The following DCC variants were observed in gnomAD, a reference collection of about 807,000 sequenced individuals.
DCC encodes the protein netrin receptor DCC.
Under a neutral mutation model 172.5 loss-of-function variants are expected in DCC, and 58 were observed. The ratio of observed to expected loss-of-function variants is 0.34; its 90% CI spans 0.27 to 0.42. The LOEUF (loss-of-function observed/expected upper bound fraction) is 0.42. Ranked by LOEUF, DCC falls within the 10% of genes least tolerant of loss-of-function variation. The pLI is 1.00. For synonymous variants in DCC, 709 were observed against 644.5 expected, an observed-to-expected ratio of 1.10 and a Z score of -1.52; for missense variants, 1,740 against 1,791.0, an observed-to-expected ratio of 0.97 and a Z score of 0.51.
chr18:52,664,723 G>A (rs564563177), intron 1 of DCC, among the ~76,000 whole-genome samples: 7 of 151,960 alleles, frequency 4.6e-5, no homozygotes, highest in East Asian at 1.9e-4. Context: ...CGCCCGCCTC[G>A]GCCTCCCAAA....
chr18:53,225,449 G>A (rs2056012092), intron 12 of DCC, among the ~76,000 whole-genome samples: 1 of 152,204 alleles, frequency 6.6e-6, no homozygotes, highest in African/African-American at 2.4e-5. Flanking sequence ...GCAATCCTTT[G>A]AGGAGGCAAG....
At chr18:52,762,319 A>G (rs1002359441) in intron 2 of DCC, among the ~76,000 whole-genome samples, 1 of 151,978 alleles carries the variant, frequency 6.6e-6, no homozygotes, top group Non-Finnish European at 1.5e-5. Flanking sequence ...ACAAAAAAAT[A>G]AAAAATTACC....
At chr18:52,736,297 A>C (rs2036728170) in intron 1 of DCC, among the ~76,000 whole-genome samples, 1 of 149,550 alleles carries the variant, frequency 6.7e-6, no homozygotes, top group African/African-American at 2.5e-5. Flanking sequence ...AAAAAAAAAC[A>C]GAAAAATCAC....
At chr18:53,239,880 G>T (rs1441038854) in intron 12 of DCC, among the ~76,000 whole-genome samples, 1 of 151,970 alleles carries the variant, frequency 6.6e-6, no homozygotes, top group Non-Finnish European at 1.5e-5. Context: ...ATGTAAAAGT[G>T]CTACATAAGT....
At chr18:53,419,246 G>A (rs902936666) in intron 21 of DCC, among the ~76,000 whole-genome samples, 3 of 152,120 alleles carry the variant, frequency 2.0e-5, no homozygotes, top group Non-Finnish European at 4.4e-5. Context: ...GCACATCATG[G>A]AGAATGGGGT....
chr18:52,608,446 C>G (rs183687861), intron 1 of DCC, among the ~76,000 whole-genome samples: 1 of 152,128 alleles, frequency 6.6e-6, no homozygotes, highest in Non-Finnish European at 1.5e-5. Flanking sequence ...CTGGAGAAGA[C>G]GCTCTCTGAA....
intron 5 of DCC, among the ~76,000 whole-genome samples, chr18:53,030,997 G>T (rs147244826): frequency 6.6e-6 from 1 of 152,128 alleles, no homozygotes; most frequent in Non-Finnish European, 1.5e-5. Flanking sequence ...GGTGGCTCAC[G>T]CCTATAATCC....
chr18:53,522,182 G>A (rs2046405926), intron 27 of DCC, among the ~76,000 whole-genome samples: 1 of 151,960 alleles, frequency 6.6e-6, no homozygotes, highest in South Asian at 2.1e-4. Flanking sequence ...TTCACATGCT[G>A]GGTTATCTGT....
chr18:52,739,319 G>T (rs956712004), intron 1 of DCC, among the ~76,000 whole-genome samples: 2 of 151,994 alleles, frequency 1.3e-5, no homozygotes, highest in South Asian at 2.1e-4. Flanking sequence ...ACTGATTGAA[G>T]AAATTTTTCC....
chr18:53,067,538 CA>C (rs2042591132), intron 7 of DCC, among the ~76,000 whole-genome samples: 1 of 151,918 alleles, frequency 6.6e-6, no homozygotes, highest in Non-Finnish European at 1.5e-5. Context: ...CACAACAAAA[CA>C]AAAACTAGAA....
At chr18:53,441,549 C>T (rs1426546149) in intron 22 of DCC, among the ~76,000 whole-genome samples, 1 of 152,140 alleles carries the variant, frequency 6.6e-6, no homozygotes, top group Non-Finnish European at 1.5e-5. Flanking sequence ...CCCTTTCCCT[C>T]ATCTCAAGAC....
At chr18:53,217,619 A>G (rs141020893) in intron 12 of DCC, among the ~76,000 whole-genome samples, 1 of 152,254 alleles carries the variant, frequency 6.6e-6, no homozygotes, top group East Asian at 1.9e-4. Context: ...TGGATGATCA[A>G]AACACCACTT....
chr18:53,217,310 T>C (rs7244674), intron 12 of DCC, among the ~76,000 whole-genome samples: 117 of 148,510 alleles, frequency 7.9e-4, no homozygotes, highest in East Asian at 2.2e-3. Context: ...CATATGTATA[T>C]ACACACACAC....
intron 1 of DCC, among the ~76,000 whole-genome samples, chr18:52,363,626 C>T (rs1236737809): frequency 1.3e-5 from 2 of 151,858 alleles, no homozygotes; most frequent in Non-Finnish European, 2.9e-5. Flanking sequence ...GGCACAAGGC[C>T]AAAAAAGAGA....
chr18:52,911,223 C>T (rs543398482), intron 3 of DCC, among the ~76,000 whole-genome samples: 1 of 152,016 alleles, frequency 6.6e-6, no homozygotes, highest in Non-Finnish European at 1.5e-5. Flanking sequence ...AGTTAATTCG[C>T]GTAGCCCTAT....
chr18:53,063,868 G>T (rs1427360315), intron 6 of DCC, among the ~76,000 whole-genome samples: 1 of 152,074 alleles, frequency 6.6e-6, no homozygotes, highest in Non-Finnish European at 1.5e-5. Context: ...TGATACTTAT[G>T]ATTATGGAAG....
intron 1 of DCC, among the ~76,000 whole-genome samples, chr18:52,663,899 A>T (rs1258970578): frequency 1.3e-5 from 2 of 151,894 alleles, no homozygotes; most frequent in Non-Finnish European, 2.9e-5. Context: ...TTGCTTTATC[A>T]TTATGGACTG....
chr18:52,960,168 T>C (rs944034781), intron 5 of DCC, among the ~76,000 whole-genome samples: 19 of 151,940 alleles, frequency 1.3e-4, no homozygotes, highest in Non-Finnish European at 2.8e-4. Context: ...GTTTCAAAAC[T>C]ATAGATTTTA....
intron 5 of DCC, among the ~76,000 whole-genome samples, chr18:53,010,352 T>C (rs543322438): frequency 2.1e-4 from 32 of 151,962 alleles, no homozygotes; most frequent in African/African-American, 7.0e-4. Context: ...TTTTCTTATC[T>C]CTGTCATTAG....
Sources: allele counts gnomAD v4.1 joint callset (sites outside exome capture counted in the v4.1 genomes callset), GRCh38; gene constraint gnomAD v4.1.1; transcripts MANE v1.5; gene names NCBI Gene and HGNC (gene_info 2026-07-23, HGNC 2026-07-21).